Variants in LINGO2 observed in about 807,000 individuals in gnomAD.
LINGO2 encodes leucine-rich repeat and immunoglobulin-like domain-containing nogo receptor-interacting protein 2.
Under a neutral mutation model 30.6 loss-of-function variants are expected in LINGO2, and 14 were observed. The observed-to-expected ratio is 0.46, with a 90% confidence interval of 0.30 to 0.72. The LOEUF is 0.72. Ranked by LOEUF, LINGO2 falls within the 30% of genes least tolerant of loss-of-function variation. LINGO2 has a pLI of 0.07. For synonymous variants in LINGO2, 317 were observed against 288.5 expected, an observed-to-expected ratio of 1.10 and a Z score of -1.00; for missense variants, 729 against 751.7, an observed-to-expected ratio of 0.97 and a Z score of 0.35.
intron 1 of LINGO2, among the ~76,000 whole-genome samples, chr9:28,564,555 G>C (rs1332927750): frequency 6.6e-6 from 1 of 152,028 alleles, no homozygotes; most frequent in Non-Finnish European, 1.5e-5. Context: ...CACTGTTGTA[G>C]TTGCGTTACT....
chr9:29,048,996 A>G, the LINGO2 span, among the ~76,000 whole-genome samples: 1 of 152,226 alleles, frequency 6.6e-6, no homozygotes, highest in Non-Finnish European at 1.5e-5. Context: ...GCTTCTGCAC[A>G]GCAAAATAAA....
chr9:28,468,583 G>A (rs907837318), intron 2 of LINGO2, among the ~76,000 whole-genome samples: 1 of 152,182 alleles, frequency 6.6e-6, no homozygotes, highest in African/African-American at 2.4e-5. Context: ...CAGGGTCTGT[G>A]AGTGACATCT....
At chr9:29,020,005 A>C in the LINGO2 span, among the ~76,000 whole-genome samples, 1 of 152,334 alleles carries the variant, frequency 6.6e-6, no homozygotes, top group East Asian at 1.9e-4. Context: ...GAATAATAAA[A>C]TTTAGAAAAA....
the LINGO2 span, among the ~76,000 whole-genome samples, chr9:29,037,443 TCA>T: frequency 2.6e-5 from 4 of 151,978 alleles, no homozygotes; most frequent in South Asian, 8.3e-4. Context: ...AAATATGTAA[TCA>T]CAAAGTAGAT....
At chr9:28,413,232 C>A (rs915950335) in intron 2 of LINGO2, among the ~76,000 whole-genome samples, 2 of 151,986 alleles carry the variant, frequency 1.3e-5, no homozygotes, top group Non-Finnish European at 2.9e-5. Context: ...ATAACCCTAA[C>A]CCCCACCCCA....
chr9:28,218,609 A>C (rs1396472672), intron 4 of LINGO2, among the ~76,000 whole-genome samples: 1 of 152,100 alleles, frequency 6.6e-6, no homozygotes, highest in Non-Finnish European at 1.5e-5. Flanking sequence ...TCTGCTCTGG[A>C]CTTTGAGTGG....
At chr9:28,417,681 A>T (rs1219118038) in intron 2 of LINGO2, among the ~76,000 whole-genome samples, 2 of 152,190 alleles carry the variant, frequency 1.3e-5, no homozygotes, top group Admixed American at 1.3e-4. Context: ...ACAAAATGCC[A>T]TTCCTACTTT....
intron 4 of LINGO2, among the ~76,000 whole-genome samples, chr9:28,117,781 C>A (rs141586006): frequency 6.7e-6 from 1 of 150,132 alleles, no homozygotes; most frequent in African/African-American, 2.4e-5. Context: ...GCGGACGGTG[C>A]GCACACACAC....
At chr9:27,960,177 A>G (rs566115762) in intron 5 of LINGO2, among the ~76,000 whole-genome samples, 1 of 152,276 alleles carries the variant, frequency 6.6e-6, no homozygotes, top group African/African-American at 2.4e-5. Flanking sequence ...GCTTCCTTCC[A>G]TTTTGAAATT....
chr9:28,052,297 A>C (rs1284595066), intron 4 of LINGO2, among the ~76,000 whole-genome samples: 1 of 152,116 alleles, frequency 6.6e-6, no homozygotes, highest in East Asian at 1.9e-4. Context: ...GGCAATTTAA[A>C]GTGCTAACAC....
At chr9:27,939,810 A>G in the LINGO2 span, 1 of 152,224 alleles carries the variant, frequency 6.6e-6, no homozygotes, top group East Asian at 1.9e-4. Context: ...GCTTGGAAAT[A>G]ATATGAATAG....
intron 4 of LINGO2, among the ~76,000 whole-genome samples, chr9:28,123,072 T>C (rs1827143216): frequency 6.6e-6 from 1 of 152,254 alleles, no homozygotes; most frequent in Non-Finnish European, 1.5e-5. Flanking sequence ...GTCAACATTT[T>C]CTTCTCATTC....
At chr9:28,351,315 G>T (rs1382603588) in intron 3 of LINGO2, among the ~76,000 whole-genome samples, 2 of 141,794 alleles carry the variant, frequency 1.4e-5, no homozygotes, top group African/African-American at 2.6e-5. Context: ...TGATAAAGGG[G>T]ATATCACCAC....
the LINGO2 span, among the ~76,000 whole-genome samples, chr9:28,844,348 T>A: frequency 6.6e-6 from 1 of 151,670 alleles, no homozygotes; most frequent in Non-Finnish European, 1.5e-5. Context: ...GGTGACAGAA[T>A]GAGACTCTGT....
chr9:28,002,605 G>A (rs899972183), intron 5 of LINGO2, among the ~76,000 whole-genome samples: 1 of 152,094 alleles, frequency 6.6e-6, no homozygotes, highest in African/African-American at 2.4e-5. Flanking sequence ...AAGAATTTGT[G>A]TGATGTTGCT....
At chr9:28,555,148 G>C (rs1328395533) in intron 1 of LINGO2, among the ~76,000 whole-genome samples, 7 of 130,534 alleles carry the variant, frequency 5.4e-5, no homozygotes, top group African/African-American at 2.4e-4. Flanking sequence ...ACTAAAATCA[G>C]AGCAGAACTG....
At chr9:28,629,889 A>G (rs1026744478) in intron 1 of LINGO2, among the ~76,000 whole-genome samples, 5 of 152,006 alleles carry the variant, frequency 3.3e-5, no homozygotes, top group African/African-American at 1.2e-4. Context: ...TTCATCTAGC[A>G]TTAGGTATAT....
chr9:28,274,378 G>A (rs755223859), intron 4 of LINGO2, among the ~76,000 whole-genome samples: 3 of 152,128 alleles, frequency 2.0e-5, no homozygotes, highest in Non-Finnish European at 4.4e-5. Flanking sequence ...CATGGCTAAT[G>A]TTTGGGTTAA....
At chr9:29,151,908 C>G in the LINGO2 span, among the ~76,000 whole-genome samples, 5 of 152,090 alleles carry the variant, frequency 3.3e-5, no homozygotes, top group Non-Finnish European at 7.4e-5. Context: ...GGGAAACACA[C>G]AACGTCCCAA....
Sources: allele counts gnomAD v4.1 joint callset (sites outside exome capture counted in the v4.1 genomes callset), GRCh38; gene constraint gnomAD v4.1.1; transcripts MANE v1.5; gene names NCBI Gene and HGNC (gene_info 2026-07-23, HGNC 2026-07-21).